TSHZ2: variants seen among roughly 807,000 people sequenced by gnomAD.
The protein encoded by TSHZ2 is teashirt zinc finger homeobox 2.
TSHZ2 carries 21 observed loss-of-function variants against 74.4 expected under a neutral mutation model. The ratio of observed to expected loss-of-function variants is 0.28; its 90% CI spans 0.20 to 0.41. The LOEUF is 0.41. Among genes scored for constraint, TSHZ2 ranks in the 10% least tolerant of loss-of-function variants. TSHZ2 has a pLI of 1.00. For synonymous variants in TSHZ2, 540 were observed against 515.3 expected (o/e 1.05, Z -0.65); for missense variants, 1,244 against 1,293.5 (o/e 0.96, Z 0.59).
intron 1 of TSHZ2, among the ~76,000 whole-genome samples, chr20:53,186,003 G>A (rs561660001): frequency 4.6e-5 from 7 of 152,308 alleles, no homozygotes; most frequent in African/African-American, 1.4e-4. Context: ...CTGACATAAA[G>A]AGGGCTTTAA....
chr20:53,230,996 C>A (rs1989813474), intron 1 of TSHZ2, among the ~76,000 whole-genome samples: 1 of 152,206 alleles, frequency 6.6e-6, no homozygotes, highest in Non-Finnish European at 1.5e-5. Context: ...AAGTCCTCAA[C>A]TTAATGTCTC....
chr20:53,180,035 A>T (rs1005986026), intron 1 of TSHZ2, among the ~76,000 whole-genome samples: 2 of 152,236 alleles, frequency 1.3e-5, no homozygotes, highest in African/African-American at 4.8e-5. Context: ...AGGCACATAA[A>T]CTGTCATTTA....
chr20:53,119,481 A>C (rs1986753605), intron 1 of TSHZ2, among the ~76,000 whole-genome samples: 1 of 152,196 alleles, frequency 6.6e-6, no homozygotes, highest in African/African-American at 2.4e-5. Flanking sequence ...AGTGCAGTCA[A>C]GGGGAGAGAG....
Position 53,256,706 on chromosome 20 carries a change from A to G in TSHZ2, c.*8+135A>G, listed in dbSNP as rs1990492097. The G allele has an allele frequency of 1.5e-6, 2 of 1,372,118 alleles. No individual in the cohort carries two copies. The highest frequency in any genetic ancestry group is 5.2e-5 in the Admixed American group (2 of 38,122). 85.0% of individuals were successfully genotyped at this position (1,372,118 alleles called of 1,614,324 possible). A position where few individuals can be genotyped will look rare whatever the true frequency, so the allele number is the denominator to read the frequency against. On this transcript the variant is annotated intron_variant, in intron 2 of 2. Coordinates refer to ENST00000371497, the MANE Select transcript of TSHZ2 (RefSeq NM_173485.6). This position sits in a 1 kb window ranked among gnomAD's most constrained non-coding sequence, Gnocchi z 4.3. The stretch of plus-strand genomic sequence containing the variant: ...GCTTGCTGGAGTAGGATTTATTTTA[A>G]TGAAAGACCAGAACATGAAAACTAA...
At chr20:53,468,489 C>CTCCAAGATAT in intron 2 of TSHZ2, among the ~76,000 whole-genome samples, 1 of 152,218 alleles carries the variant, frequency 6.6e-6, no homozygotes, top group Non-Finnish European at 1.5e-5. Context: ...TGTTGTTGTT[C>CTCCAAGATAT]TCCAAGATAT....
At chr20:53,394,745 A>G (rs1203910484) in intron 2 of TSHZ2, among the ~76,000 whole-genome samples, 1 of 138,516 alleles carries the variant, frequency 7.2e-6, no homozygotes, top group African/African-American at 2.9e-5. Context: ...AGCAAACATC[A>G]CTAATCAATC....
chr20:53,249,645 C>T (rs375151353), intron 1 of TSHZ2, among the ~76,000 whole-genome samples: 2 of 152,228 alleles, frequency 1.3e-5, no homozygotes, highest in East Asian at 3.9e-4. Context: ...TCTGCAAAGG[C>T]AGAAAGCCTC....
chr20:53,385,241 A>G (rs1048631981), intron 2 of TSHZ2, among the ~76,000 whole-genome samples: 4 of 152,248 alleles, frequency 2.6e-5, no homozygotes, highest in Non-Finnish European at 5.9e-5. Flanking sequence ...GGAGGCGGAA[A>G]AGAGTTAAGC....
At chr20:53,461,992 G>A (rs931876265) in intron 2 of TSHZ2, among the ~76,000 whole-genome samples, 3 of 151,576 alleles carry the variant, frequency 2.0e-5, no homozygotes, top group Non-Finnish European at 2.9e-5. Context: ...AACACTTTGG[G>A]AGGCCAAGGA....
intron 1 of TSHZ2, among the ~76,000 whole-genome samples, chr20:53,157,143 C>T (rs1357315439): frequency 6.6e-5 from 10 of 152,176 alleles, no homozygotes; most frequent in Admixed American, 6.5e-4. Context: ...TTCAGTACAG[C>T]TAGAATCTTA....
At chr20:53,356,193 G>C (rs1980840630) in intron 2 of TSHZ2, among the ~76,000 whole-genome samples, 1 of 152,118 alleles carries the variant, frequency 6.6e-6, no homozygotes, top group African/African-American at 2.4e-5. Context: ...CAATACTGTT[G>C]ACTTACTATT....
intron 1 of TSHZ2, among the ~76,000 whole-genome samples, chr20:53,102,083 G>A (rs1431481806): frequency 6.6e-6 from 1 of 151,996 alleles, no homozygotes; most frequent in Non-Finnish European, 1.5e-5. Context: ...TGGTGTTATG[G>A]CAAATTTCCA....
chr20:53,399,293 G>A (rs1409524983), intron 2 of TSHZ2: 1 of 152,242 alleles, frequency 6.6e-6, no homozygotes, highest in South Asian at 2.1e-4. Context: ...TTGATCTTTG[G>A]TGTATCCTGG....
intron 2 of TSHZ2, among the ~76,000 whole-genome samples, chr20:53,444,331 C>T (rs1203942082): frequency 2.6e-5 from 4 of 152,214 alleles, no homozygotes; most frequent in Admixed American, 6.5e-5. Flanking sequence ...CTCAACTCCA[C>T]GGACACTAGT....
intron 2 of TSHZ2, among the ~76,000 whole-genome samples, chr20:53,480,933 G>C (rs1347764666): frequency 1.3e-5 from 2 of 152,116 alleles, no homozygotes; most frequent in Non-Finnish European, 2.9e-5. Flanking sequence ...CTCTTCGCCT[G>C]GCTCTCCCTC....
intron 1 of TSHZ2, among the ~76,000 whole-genome samples, chr20:53,155,040 G>A (rs1481446551): frequency 7.1e-6 from 1 of 141,258 alleles, no homozygotes; most frequent in Non-Finnish European, 1.5e-5. Context: ...TAAGACAGGT[G>A]TTTGAATATG....
intron 1 of TSHZ2, among the ~76,000 whole-genome samples, chr20:53,191,867 G>A (rs1468330153): frequency 6.6e-6 from 1 of 152,160 alleles, no homozygotes; most frequent in African/African-American, 2.4e-5. Flanking sequence ...ACATACACAT[G>A]TGATTGTTTC....
At chr20:53,078,083 A>C (rs935758334) in intron 1 of TSHZ2, among the ~76,000 whole-genome samples, 10 of 152,376 alleles carry the variant, frequency 6.6e-5, no homozygotes, top group Admixed American at 3.9e-4. Flanking sequence ...TCTATCGGAA[A>C]GGAGGGAGAA....
chr20:53,133,969 G>GGA (rs561152326), intron 1 of TSHZ2, among the ~76,000 whole-genome samples: 2 of 127,924 alleles, frequency 1.6e-5, no homozygotes, highest in African/African-American at 6.0e-5. Context: ...CATTTTTTCT[G>GGA]AAAAAAAAAA....
Sources: gnomAD v4.1 joint callset for allele counts (sites outside exome capture counted in the v4.1 genomes callset) on GRCh38, gnomAD v4.1.1 for gene constraint, Gnocchi (gnomAD v3.1) non-coding constraint, MANE v1.5 for transcripts, NCBI Gene and HGNC (gene_info 2026-07-23, HGNC 2026-07-21) for gene names.